PSD4: variants seen among roughly 807,000 people sequenced by gnomAD.
PSD4 encodes the protein pleckstrin and Sec7 domain containing 4.
PSD4 carries 59 observed loss-of-function variants against 112.5 expected under a neutral mutation model. The observed-to-expected ratio is 0.52, with a 90% CI of 0.43 to 0.65. The LOEUF is 0.65. Ranked by LOEUF, PSD4 falls within the 30% of genes least tolerant of loss-of-function variation. PSD4 has a pLI of 0.00. For synonymous variants in PSD4, 533 were observed against 540.0 expected, an observed-to-expected ratio of 0.99 and a Z score of 0.18; for missense variants, 1,267 against 1,352.6, an observed-to-expected ratio of 0.94 and a Z score of 0.99.
chr2:113,197,246 G>T, intron 12 of PSD4: 1 of 412,360 alleles, frequency 2.4e-6, no homozygotes, highest in Non-Finnish European at 4.6e-6. Flanking sequence ...TTGTGCCTGG[G>T]TGTTTGCCAC....
intron 5 of PSD4, among the ~76,000 whole-genome samples, chr2:113,187,356 C>G (rs1486272861): frequency 6.6e-6 from 1 of 152,236 alleles, no homozygotes; most frequent in Non-Finnish European, 1.5e-5. Context: ...CCCTTCCCCA[C>G]CTCCCAGCTC....
chr2:113,184,377 C>CTTTTT (rs10610865), intron 2 of PSD4, among the ~76,000 whole-genome samples: 1 of 125,760 alleles, frequency 8.0e-6, no homozygotes, highest in Non-Finnish European at 1.6e-5. Context: ...TCAGGACTTT[C>CTTTTT]TTTTTTTTTT....
chr2:113,196,213 G>C lies in PSD4; in HGVS notation c.2292G>C (p.Lys764Asn). The change falls in exon 12 of 17, where the codon AAG (lysine) becomes AAC (asparagine). Residue 764 changes from lysine to asparagine, a missense_variant. Lys to Asn is a moderately conservative substitution (Grantham distance 94). Transcript: ENST00000245796. ...CCCTGCCAGCTGGCAAGATGAGCAAGCCCTTCCTTCAGCTGGCTCAGGATC... is the reference window on the plus strand; with the variant it reads ...CCCTGCCAGCTGGCAAGATGAGCAACCCCTTCCTTCAGCTGGCTCAGGATC... ...QPSLPAGKMSKPFLQLAQDPT... is the reference protein window; with the variant it reads ...QPSLPAGKMSNPFLQLAQDPT... 6.2e-7 allele frequency: 1 copy of C among 1,614,128 alleles called. No homozygotes were observed. The highest frequency in any genetic ancestry group is 8.5e-7 in the Non-Finnish European group (1 of 1,179,950).
At chr2:113,194,064 A>G in intron 10 of PSD4, 116 bp downstream of exon 10, 1 of 958,616 alleles carries the variant, frequency 1.0e-6, no homozygotes, top group Admixed American at 2.8e-5. Flanking sequence ...TTGAGAGAAC[A>G]GGACTTGTTT....
chr2:113,178,892 G>A (rs960961108), intron 1 of PSD4, among the ~76,000 whole-genome samples: 7 of 152,176 alleles, frequency 4.6e-5, no homozygotes, highest in African/African-American at 1.7e-4. Flanking sequence ...TTACAGAGAC[G>A]TGGAGGGTGG....
chr2:113,196,404 C>A (rs572247358), intron 12 of PSD4, 97 bp downstream of exon 12: 2 of 1,439,816 alleles, frequency 1.4e-6, no homozygotes, highest in Non-Finnish European at 1.9e-6. Context: ...AGAGACAGCC[C>A]GCGTTGAGGA....
intron 12 of PSD4, 174 bp downstream of exon 12, chr2:113,196,481 G>A: frequency 3.8e-6 from 3 of 792,946 alleles, no homozygotes; most frequent in Non-Finnish European, 5.8e-6. Flanking sequence ...GATGCTGTGT[G>A]AGGCACTAGA....
chr2:113,185,660 AGCAAAGGT>A, intron 4 of PSD4: 1 of 1,547,738 alleles, frequency 6.5e-7, no homozygotes, highest in Non-Finnish European at 8.7e-7. Flanking sequence ...TTAATGGTTT[AGCAAAGGT>A]CCTGAGCCCT....
intron 5 of PSD4, among the ~76,000 whole-genome samples, chr2:113,190,325 C>T (rs1407263343): frequency 2.0e-5 from 3 of 152,180 alleles, no homozygotes; most frequent in Non-Finnish European, 4.4e-5. Context: ...AAAGTGTGTC[C>T]TTTCCCCACT....
chr2:113,195,638 C>A, intron 10 of PSD4, 89 bp from the exon 11 acceptor site: 1 of 1,454,468 alleles, frequency 6.9e-7, no homozygotes, highest in Non-Finnish European at 9.6e-7. Context: ...AGGCTGTACA[C>A]ATGCCCCTAT....
At chr2:113,196,063 G>A (rs956636026) in intron 11 of PSD4, 84 bp from the exon 12 acceptor site, 3 of 1,499,106 alleles carry the variant, frequency 2.0e-6, no homozygotes, top group African/African-American at 1.4e-5. Flanking sequence ...GAAAAGAGAG[G>A]TTGCTAAGGC....
At position 113,201,301 on chromosome 2, in the gene PSD4, G is replaced by C. The variant is rs1230814986; in HGVS notation, c.3057G>C (p.Ser1019=). The change falls in exon 17 of 17, where the codon TCG becomes TCC. Residue 1019 remains serine (S), a synonymous_variant. Coordinates refer to ENST00000245796, the MANE Select transcript of PSD4 (RefSeq NM_012455.3). ...EPKLSLKKSH[S]SPSLHQDEAP... is the part of the protein sequence containing the mutation. ...AGCTCAGCCTGAAGAAGTCCCACTC[G>C]AGCCCGTCCCTGCACCAGGATGAGG... 18 of 1,614,050 alleles carry C rather than the reference G, an allele frequency of 1.1e-5. No homozygotes were observed. In the Admixed American group the frequency reaches 2.3e-4, roughly 21 times the overall value.
rs1184599021 is a variant in PSD4 at position 113,208,116 on chromosome 2, G to T, written c.*6701G>T. 1 of 152,230 alleles carries T rather than the reference G, an allele frequency of 6.6e-6. No individual in the cohort carries two copies. Among genetic ancestry groups the T allele is most frequent in the Non-Finnish European group, 1.5e-5 (1 of 68,110 alleles). The allele number at this position is 152,230 out of a possible 1,614,324, so 9.4% of individuals were successfully genotyped here. On this transcript the variant is annotated 3_prime_UTR_variant, in exon 17 of 17. Coordinates refer to ENST00000245796, the MANE Select transcript of PSD4 (RefSeq NM_012455.3). ...TTGGTCAGGCTGGTCTCAAACTCCTGACCTCGTGATCCGCCGGCCTCTGCC... is the reference window on the plus strand; with the variant it reads ...TTGGTCAGGCTGGTCTCAAACTCCTTACCTCGTGATCCGCCGGCCTCTGCC...
rs1024925681 is a variant in PSD4 at position 113,180,529 on chromosome 2, C to G, written c.-111-1817C>G. Among the ~76,000 whole-genome samples, 6 of 152,280 alleles carry G rather than the reference C, an allele frequency of 3.9e-5. No homozygotes were observed. In the South Asian group the frequency reaches 8.3e-4, roughly 21 times the overall value. On this transcript the variant is annotated intron_variant, in intron 1 of 16. Coordinates refer to ENST00000245796, the MANE Select transcript of PSD4 (RefSeq NM_012455.3). ...CTGGACGAGGCCACCTGGGCTCACT[C>G]TCTTCATACTGGAGCAGGGAAAGGG... is the stretch of plus-strand genomic sequence containing the variant.
chr2:113,201,104 C>T, intron 16 of PSD4, 54 bp from the exon 17 acceptor site: 4 of 1,555,212 alleles, frequency 2.6e-6, no homozygotes, highest in East Asian at 4.5e-5. Flanking sequence ...ATTCTAGCCT[C>T]CTCCCAACCT....
intron 1 of PSD4, among the ~76,000 whole-genome samples, chr2:113,176,595 G>A (rs1299336139): frequency 6.6e-6 from 1 of 152,126 alleles, no homozygotes; most frequent in Non-Finnish European, 1.5e-5. Context: ...AAAACTGAAG[G>A]GCCACTTTAA....
intron 5 of PSD4, among the ~76,000 whole-genome samples, chr2:113,192,026 G>C (rs1406362536): frequency 6.6e-6 from 1 of 151,738 alleles, no homozygotes; most frequent in Non-Finnish European, 1.5e-5. Flanking sequence ...GAGGACCACA[G>C]GACAGGTGAG....
rs544608532 is a variant in PSD4, at chr2:113,177,261, C to A, written c.-112+3207C>A. 2.6e-5 allele frequency among the ~76,000 whole-genome samples: 4 copies of A among 152,338 alleles called. No homozygotes were observed. The South Asian group carries it at 8.3e-4, about 32-fold the overall frequency. On this transcript the variant is annotated intron_variant, in intron 1 of 16. Transcript: ENST00000245796. ...GGGAAGCCTTCATATTATAATGATG[C>A]TAATTCTCTTCTCCAAGCCTCGGTC...
intron 1 of PSD4, among the ~76,000 whole-genome samples, chr2:113,180,980 G>A (rs1011929088): frequency 2.0e-5 from 3 of 151,990 alleles, no homozygotes; most frequent in Non-Finnish European, 2.9e-5. Context: ...CACTTTGGGA[G>A]GCCAAGGTGG....
Sources: gnomAD v4.1 joint callset for allele counts (sites outside exome capture counted in the v4.1 genomes callset) on GRCh38, gnomAD v4.1.1 for gene constraint, MANE v1.5 for transcripts, NCBI Gene and HGNC (gene_info 2026-07-23, HGNC 2026-07-21) for gene names.